The following ZNF541 variants were observed in gnomAD, a reference collection of about 807,000 sequenced individuals.
ZNF541 encodes zinc finger protein 541.
Under a neutral mutation model 123.5 loss-of-function variants are expected in ZNF541, and 23 were observed. That is an observed-to-expected ratio of 0.19 (90% confidence interval 0.13 to 0.26). The LOEUF (loss-of-function observed/expected upper bound fraction) is 0.26, where lower values mean the gene tolerates loss of function less well. ZNF541 is among the 10% of genes least tolerant of loss of function. ZNF541 has a pLI of 1.00. For missense variants in ZNF541, 1,612 were observed against 1,789.9 expected, an observed-to-expected ratio of 0.90 and a Z score of 1.79; for synonymous variants, 751 against 754.5, an observed-to-expected ratio of 1.00 and a Z score of 0.08.
intron 10 of ZNF541, 26 bp downstream of exon 10, chr19:47,532,883 G>C: frequency 1.3e-6 from 2 of 1,547,658 alleles, no homozygotes; most frequent in Non-Finnish European, 1.7e-6. Flanking sequence ...GGTAAAAGCA[G>C]CTTCACTGGA....
rs192963574 is a variant in ZNF541, at chr19:47,563,823, C to G, written c.-98-7869G>C. Among the ~76,000 whole-genome samples the G allele has an allele frequency of 5.3e-5, 8 of 152,248 alleles. No individual in the cohort carries two copies. The East Asian group carries it at 1.5e-3, about 29-fold the overall frequency. On this transcript the variant is annotated intron_variant, in intron 2 of 16. Coordinates refer to ENST00000391901, the MANE Select transcript of ZNF541 (RefSeq NM_001277075.3). ...GTTTCACCACGCTGGTCAGGCTGGT[C>G]TCAAACTCCTGACCTCAGGTGATCC...
intron 14 of ZNF541, among the ~76,000 whole-genome samples, chr19:47,523,802 G>A (rs957758072): frequency 6.6e-6 from 1 of 152,178 alleles, no homozygotes; most frequent in Non-Finnish European, 1.5e-5. Context: ...CAGTGCCTCC[G>A]GAGACCACGG....
rs1053137099 is a variant in ZNF541, at chr19:47,544,771, T to A, written c.1758A>T (p.Lys586Asn). Reference sequence around the variant, plus strand: ...CCTGCAGCGGCCTCAGGGCGGCTGGTTTGCCCTCGGGCGCAGGGAGCTGGG... The same window carrying A: ...CCTGCAGCGGCCTCAGGGCGGCTGGATTGCCCTCGGGCGCAGGGAGCTGGG... The part of the protein sequence containing the change: ...VSSQLPAPEG[K>N]PAALRPLQGP... The change falls in exon 5 of 17, where the codon AAA becomes AAT. Residue 586 changes from lysine (K) to asparagine (N), a missense_variant. By Grantham distance (94) the Lys-to-Asn change is moderately conservative. Coordinates refer to ENST00000391901, the MANE Select transcript of ZNF541 (RefSeq NM_001277075.3). 6.6e-7 allele frequency: 1 copy of A among 1,510,194 alleles called. No individual in the cohort carries two copies. The highest frequency in any genetic ancestry group is 1.4e-5 in the African/African-American group (1 of 72,368). 93.5% of individuals were successfully genotyped at this position (1,510,194 alleles called of 1,614,324 possible). A position where few individuals can be genotyped will look rare whatever the true frequency, so the allele number is the denominator to read the frequency against.
chr19:47,532,085 G>A, intron 11 of ZNF541, 43 bp downstream of exon 11: 4 of 1,545,160 alleles, frequency 2.6e-6, no homozygotes, highest in African/African-American at 1.4e-5. Context: ...AAATGGAGGG[G>A]GAAGAAGGGC....
intron 14 of ZNF541, among the ~76,000 whole-genome samples, chr19:47,522,744 CTTTTTTTTT>C (rs35868495): frequency 9.8e-5 from 11 of 112,456 alleles, no homozygotes; most frequent in Non-Finnish European, 1.6e-4. Context: ...TGCAGTGAGC[CTTTTTTTTT>C]TTTTTTTTTT....
rs527856611 is a variant in ZNF541, at chr19:47,555,481, C to G, written c.307+69G>C. On this transcript the variant is annotated intron_variant, in intron 3 of 16. Transcript: ENST00000391901. Reference sequence around the variant, plus strand: ...TTTTCTTAACCAATCCATGCAGAATCAGTCCCTAGCTGGCCACAGAAACTG... The same window carrying G: ...TTTTCTTAACCAATCCATGCAGAATGAGTCCCTAGCTGGCCACAGAAACTG... 5.8e-5 allele frequency: 83 copies of G among 1,429,616 alleles called. 1 individual carries two copies. The Middle Eastern group carries it at 5.8e-4, about 10-fold the overall frequency. The allele number at this position is 1,429,616 out of a possible 1,614,324, so 88.6% of individuals were successfully genotyped here. A position where few individuals can be genotyped will look rare whatever the true frequency, so the allele number is the denominator to read the frequency against.
chr19:47,539,759 G>T lies in ZNF541; in HGVS notation c.2742C>A (p.Val914=). 1 of 1,464,830 alleles carries T rather than the reference G, an allele frequency of 6.8e-7. No individual in the cohort carries two copies. The highest frequency in any genetic ancestry group is 9.0e-7 in the Non-Finnish European group (1 of 1,114,824). 90.7% of individuals were successfully genotyped at this position (1,464,830 alleles called of 1,614,324 possible). A position where few individuals can be genotyped will look rare whatever the true frequency, so the allele number is the denominator to read the frequency against. The change falls in exon 8 of 17, where the codon GTC becomes GTA. Residue 914 remains valine (V), a synonymous_variant. Transcript: ENST00000391901. ...CTGGAACCACGGGGATCGATTGGGGGACCACCAAAGGGGCTGCAGCTGTGG... is the reference window on the plus strand; with the variant it reads ...CTGGAACCACGGGGATCGATTGGGGTACCACCAAAGGGGCTGCAGCTGTGG... ...LDPTAAAPLV[V]PQSIPVVPVT...
Position 47,545,209 on chromosome 19 carries a change from G to A in ZNF541, c.1320C>T (p.Pro440=), listed in dbSNP as rs750205052. ...GGCCAGACTCGGAGCCCTCCCGCGA[G>A]GGCACGGCCGAGGGCTTGTGGACAA... ...VFVVHKPSAV[P]SREGSESGPG... is the part of the protein sequence containing the mutation. The change falls in exon 5 of 17, where the codon CCC becomes CCT. Residue 440 remains proline, a synonymous_variant. Transcript: ENST00000391901. The surrounding 1 kb of genome is among the most constrained non-coding windows in gnomAD (Gnocchi z 7.5). The A allele has an allele frequency of 1.3e-6, 2 of 1,532,674 alleles. No individual in the cohort carries two copies. Among genetic ancestry groups the A allele is most frequent in the South Asian group, 2.4e-5 (2 of 82,832 alleles). The allele number at this position is 1,532,674 out of a possible 1,614,324, so 94.9% of individuals were successfully genotyped here.
Position 47,545,028 on chromosome 19 carries a change from G to T in ZNF541, c.1501C>A (p.Pro501Thr). 1 of 1,492,058 alleles carries T rather than the reference G, an allele frequency of 6.7e-7. No individual in the cohort carries two copies. Among genetic ancestry groups the T allele is most frequent in the South Asian group, 1.3e-5 (1 of 78,596 alleles). 92.4% of individuals were successfully genotyped at this position (1,492,058 alleles called of 1,614,324 possible). A position where few individuals can be genotyped will look rare whatever the true frequency, so the allele number is the denominator to read the frequency against. Residue 501 changes from proline (P) to threonine (T), a missense_variant, in exon 5 of 17, where the codon CCC (proline) becomes ACC (threonine). Pro to Thr is a conservative substitution (Grantham distance 38). Coordinates refer to ENST00000391901, the MANE Select transcript of ZNF541 (RefSeq NM_001277075.3). The surrounding 1 kb of genome is among the most constrained non-coding windows in gnomAD (Gnocchi z 7.5). The stretch of plus-strand genomic sequence containing the variant: ...TCGCAGTCGACCTTGACCTTCTTGG[G>T]GGCGCAGGGGTCATCTTCCCCGCTG... ...SASGEDDPCA[P>T]KKVKVDCDSF...
At chr19:47,522,367 GAGCCTCTAA>G (rs148013166) in intron 14 of ZNF541, among the ~76,000 whole-genome samples, 2,110 of 152,348 alleles carry the variant, frequency 0.014, 32 homozygotes, top group Middle Eastern at 0.054. Context: ...CAGCTAGGCA[GAGCCTCTAA>G]AGTCTTGGCA....
chr19:47,531,533 C>T, intron 12 of ZNF541, 109 bp downstream of exon 12: 1 of 802,638 alleles, frequency 1.2e-6, no homozygotes, highest in Non-Finnish European at 1.9e-6. Flanking sequence ...GGATGGGCGG[C>T]CTTCTTCCAG....
At chr19:47,531,604 C>T in intron 12 of ZNF541, 38 bp downstream of exon 12, 2 of 1,482,076 alleles carry the variant, frequency 1.3e-6, no homozygotes, top group African/African-American at 1.4e-5. Context: ...AACCCTGGGC[C>T]CCAGGAAAGC....
intron 14 of ZNF541, among the ~76,000 whole-genome samples, chr19:47,528,614 G>A (rs1599948861): frequency 6.6e-6 from 1 of 151,950 alleles, no homozygotes; most frequent in South Asian, 2.1e-4. Flanking sequence ...CACCATGGCC[G>A]GCCCTTATCT....
At position 47,538,305 on chromosome 19, in the gene ZNF541, G is replaced by A. The variant is rs1326195596; in HGVS notation, c.2931C>T (p.Pro977=). 6.5e-7 allele frequency: 1 copy of A among 1,548,364 alleles called. No individual in the cohort carries two copies. The highest frequency in any genetic ancestry group is 2.4e-5 in the East Asian group (1 of 40,860). The part of the protein sequence containing the change: ...AGCHQSRLRS[P]MFLVDCLLKG... Reference sequence around the variant, plus strand: ...TCAGGAGGCAGTCCACCAGGAACATGGGTGACCGCAGGCGGCTCTGGTGGC... The same window carrying A: ...TCAGGAGGCAGTCCACCAGGAACATAGGTGACCGCAGGCGGCTCTGGTGGC... Residue 977 remains proline, a synonymous_variant, in exon 9 of 17, where the codon CCC becomes CCT. Coordinates refer to ENST00000391901, the MANE Select transcript of ZNF541 (RefSeq NM_001277075.3).
chr19:47,537,015 A>G (rs1969852789), intron 9 of ZNF541, among the ~76,000 whole-genome samples: 1 of 152,178 alleles, frequency 6.6e-6, no homozygotes, highest in Admixed American at 6.5e-5. Flanking sequence ...CTTACATGAA[A>G]TGTCCTGAAT....
At chr19:47,560,718 C>A (rs978959528) in intron 2 of ZNF541, among the ~76,000 whole-genome samples, 2 of 152,030 alleles carry the variant, frequency 1.3e-5, no homozygotes, top group Admixed American at 1.3e-4. Context: ...CTTAGGCATC[C>A]ATCCAACTGA....
At chr19:47,558,948 CT>C (rs1409983515) in intron 2 of ZNF541, among the ~76,000 whole-genome samples, 1 of 151,680 alleles carries the variant, frequency 6.6e-6, no homozygotes, top group African/African-American at 2.4e-5. Context: ...GTTTCACCAT[CT>C]TGGCGAGGCT....
intron 14 of ZNF541, among the ~76,000 whole-genome samples, chr19:47,526,799 A>T (rs1969320591): frequency 6.6e-6 from 1 of 152,218 alleles, no homozygotes; most frequent in Non-Finnish European, 1.5e-5. Context: ...AGTTAAGCAT[A>T]CACCTACTAA....
rs149553438 is a variant in ZNF541 at position 47,558,144 on chromosome 19, T to C, written c.-98-2190A>G. Among the ~76,000 whole-genome samples, 119 of 152,184 alleles carry C rather than the reference T, an allele frequency of 7.8e-4. 3 individuals carry two copies. In the East Asian group the frequency reaches 0.018, roughly 23 times the overall value. On this transcript the variant is annotated intron_variant, in intron 2 of 16. Coordinates refer to ENST00000391901, the MANE Select transcript of ZNF541 (RefSeq NM_001277075.3). ...ATAAAAGAATACTACAGGCCAGGCG[T>C]GGTGGCTTACGCCTGTAATCCCAGC...
Sources: gnomAD v4.1 joint callset for allele counts (sites outside exome capture counted in the v4.1 genomes callset) on GRCh38, gnomAD v4.1.1 for gene constraint, Gnocchi (gnomAD v3.1) non-coding constraint, MANE v1.5 for transcripts, NCBI Gene and HGNC (gene_info 2026-07-23, HGNC 2026-07-21) for gene names.